The following B3GALT1 variants were observed in gnomAD, a reference collection of about 807,000 sequenced individuals.
B3GALT1 encodes beta-1,3-galactosyltransferase 1.
B3GALT1 carries 10 observed loss-of-function variants against 23.2 expected under a neutral mutation model. The observed-to-expected ratio is 0.43, with a 90% CI of 0.27 to 0.73. The LOEUF (loss-of-function observed/expected upper bound fraction) is 0.73. B3GALT1 is among the 30% of genes least tolerant of loss of function. The probability of loss-of-function intolerance (pLI) is 0.21; values close to 1 mark genes in which losing one functional copy is unlikely to be tolerated. For missense variants in B3GALT1, 299 were observed against 405.4 expected, an observed-to-expected ratio of 0.74 and a Z score of 2.25; for synonymous variants, 156 against 141.5, an observed-to-expected ratio of 1.10 and a Z score of -0.73.
At chr2:167,591,679 G>A (rs1380208340) in intron 2 of B3GALT1, among the ~76,000 whole-genome samples, 1 of 152,172 alleles carries the variant, frequency 6.6e-6, no homozygotes, top group South Asian at 2.1e-4. Flanking sequence ...ACACTATGTT[G>A]CCCTGGCTGG....
At chr2:167,633,525 G>A (rs1312464027) in intron 2 of B3GALT1, among the ~76,000 whole-genome samples, 1 of 151,610 alleles carries the variant, frequency 6.6e-6, no homozygotes, top group Non-Finnish European at 1.5e-5. Context: ...AAAAACCAGG[G>A]GTTGCAATCC....
intron 1 of B3GALT1, among the ~76,000 whole-genome samples, chr2:167,370,783 G>A (rs112217328): frequency 0.013 from 1,922 of 152,038 alleles, 35 homozygotes; most frequent in African/African-American, 0.041. Flanking sequence ...AAAATTAGCC[G>A]GGCATGGTGG....
At chr2:167,755,995 A>G (rs377266322) in intron 3 of B3GALT1, among the ~76,000 whole-genome samples, 17 of 152,136 alleles carry the variant, frequency 1.1e-4, no homozygotes, top group African/African-American at 4.1e-4. Context: ...AAAAAATAAA[A>G]GAGACTGCTT....
intron 2 of B3GALT1, among the ~76,000 whole-genome samples, chr2:167,492,664 G>C (rs1028354696): frequency 1.3e-5 from 2 of 152,104 alleles, no homozygotes; most frequent in Non-Finnish European, 2.9e-5. Context: ...TAGAGTTTTA[G>C]CAATGCTAAT....
At chr2:167,382,263 C>T (rs1697856305) in intron 1 of B3GALT1, among the ~76,000 whole-genome samples, 1 of 152,110 alleles carries the variant, frequency 6.6e-6, no homozygotes, top group Admixed American at 6.6e-5. Flanking sequence ...GAAAACTCTT[C>T]TCATTTCCAT....
intron 1 of B3GALT1, among the ~76,000 whole-genome samples, chr2:167,452,228 C>T (rs901385796): frequency 6.6e-6 from 1 of 152,100 alleles, no homozygotes; most frequent in Admixed American, 6.5e-5. Flanking sequence ...ACTTTACATT[C>T]TGTCAAAATT....
intron 2 of B3GALT1, among the ~76,000 whole-genome samples, chr2:167,525,612 G>A (rs1005235364): frequency 6.6e-6 from 1 of 151,542 alleles, no homozygotes; most frequent in Non-Finnish European, 1.5e-5. Flanking sequence ...GCCATTGGGA[G>A]CTCTTTCATT....
chr2:167,646,044 C>T (rs1176610213), intron 2 of B3GALT1, among the ~76,000 whole-genome samples: 1 of 152,110 alleles, frequency 6.6e-6, no homozygotes, highest in East Asian at 1.9e-4. Flanking sequence ...TTTTCTATAC[C>T]TTTTCTGAAA....
intron 2 of B3GALT1, among the ~76,000 whole-genome samples, chr2:167,567,232 A>C (rs1236406838): frequency 6.6e-6 from 1 of 152,158 alleles, no homozygotes; most frequent in Non-Finnish European, 1.5e-5. Flanking sequence ...CTTAAAACTC[A>C]AAAAAATAAG....
chr2:167,648,205 C>A (rs1685790336), intron 3 of B3GALT1, among the ~76,000 whole-genome samples: 1 of 152,102 alleles, frequency 6.6e-6, no homozygotes. Flanking sequence ...ATTATAAATA[C>A]CATTAAATTT....
chr2:167,596,540 C>G (rs549177549), intron 2 of B3GALT1, among the ~76,000 whole-genome samples: 1 of 152,128 alleles, frequency 6.6e-6, no homozygotes, highest in Non-Finnish European at 1.5e-5. Flanking sequence ...ACTGTGTTTA[C>G]AACACTGAGT....
At chr2:167,565,559 A>T (rs540385848) in intron 2 of B3GALT1, among the ~76,000 whole-genome samples, 2 of 152,346 alleles carry the variant, frequency 1.3e-5, no homozygotes, top group South Asian at 4.1e-4. Context: ...CTACCATCAG[A>T]GTGAACAGGC....
At chr2:167,449,890 A>G (rs1477753635) in intron 1 of B3GALT1, among the ~76,000 whole-genome samples, 1 of 152,164 alleles carries the variant, frequency 6.6e-6, no homozygotes, top group African/African-American at 2.4e-5. Flanking sequence ...GTGGTATATC[A>G]TATTTATTGA....
At chr2:167,692,114 T>C (rs1686724187) in intron 3 of B3GALT1, among the ~76,000 whole-genome samples, 1 of 152,146 alleles carries the variant, frequency 6.6e-6, no homozygotes, top group Admixed American at 6.6e-5. Flanking sequence ...TGTTGTAAGA[T>C]GTGTATGTTG....
chr2:167,450,350 A>G (rs921969688), intron 1 of B3GALT1, among the ~76,000 whole-genome samples: 8 of 151,988 alleles, frequency 5.3e-5, no homozygotes, highest in Non-Finnish European at 1.0e-4. Flanking sequence ...GAATTTATCC[A>G]TCTCCTCTAG....
intron 1 of B3GALT1, among the ~76,000 whole-genome samples, chr2:167,342,174 A>G (rs1697157259): frequency 6.6e-6 from 1 of 152,234 alleles, no homozygotes; most frequent in African/African-American, 2.4e-5. Context: ...TCCATGGGGA[A>G]ATAGAGTGAG....
At chr2:167,778,228 A>T (rs6756720) in intron 3 of B3GALT1, among the ~76,000 whole-genome samples, 148,072 of 152,216 alleles carry the variant, frequency 0.97, 72,157 homozygotes, top group East Asian at 1. Flanking sequence ...TGAATTGGTT[A>T]ATCACTTTCT....
At chr2:167,612,367 T>TTTA (rs3062675) in intron 2 of B3GALT1, among the ~76,000 whole-genome samples, 91,084 of 144,952 alleles carry the variant, frequency 0.63, 29,776 homozygotes, top group Admixed American at 0.72. Flanking sequence ...TTATTAGGCC[T>TTTA]TTATTATTAT....
At chr2:167,822,320 G>A (rs2105367219) in intron 4 of B3GALT1, among the ~76,000 whole-genome samples, 1 of 152,000 alleles carries the variant, frequency 6.6e-6, no homozygotes, top group Admixed American at 6.6e-5. Flanking sequence ...ACTAAACAGA[G>A]CTGGTTATAA....
Sources: gnomAD v4.1 joint callset for allele counts (sites outside exome capture counted in the v4.1 genomes callset) on GRCh38, gnomAD v4.1.1 for gene constraint, MANE v1.5 for transcripts, NCBI Gene and HGNC (gene_info 2026-07-23, HGNC 2026-07-21) for gene names.